VTI1A: variants seen among roughly 807,000 people sequenced by gnomAD.
VTI1A encodes vesicle transport through interaction with t-SNAREs 1A, also known as vesicle transport through interaction with t-SNAREs homolog 1A.
Under a neutral mutation model 34.9 loss-of-function variants are expected in VTI1A, and 22 were observed. The ratio of observed to expected loss-of-function variants is 0.63; its 90% confidence interval spans 0.45 to 0.90. VTI1A has a LOEUF of 0.90. Among genes scored for constraint, VTI1A ranks in the 40% least tolerant of loss-of-function variants. VTI1A has a pLI of 0.00. For missense variants in VTI1A, 268 were observed against 275.6 expected (o/e 0.97, Z 0.20); for synonymous variants, 87 against 97.3 (o/e 0.89, Z 0.62).
At chr10:112,685,668 TC>T (rs1187505147) in intron 7 of VTI1A, among the ~76,000 whole-genome samples, 5 of 147,316 alleles carry the variant, frequency 3.4e-5, no homozygotes, top group East Asian at 4.0e-4. Context: ...GTTGTTTTTT[TC>T]CCCCCTTGTT....
intron 7 of VTI1A, among the ~76,000 whole-genome samples, chr10:112,760,138 T>C (rs1851411920): frequency 6.6e-6 from 1 of 152,150 alleles, no homozygotes; most frequent in Admixed American, 6.5e-5. Flanking sequence ...TTGAACAATT[T>C]CAAACACAGT....
chr10:112,838,861 C>T, the VTI1A span, among the ~76,000 whole-genome samples: 1 of 152,224 alleles, frequency 6.6e-6, no homozygotes, highest in Non-Finnish European at 1.5e-5. Context: ...CTCCCTGAGC[C>T]TCACTTTGTC....
intron 5 of VTI1A, among the ~76,000 whole-genome samples, chr10:112,613,868 G>A (rs1390272769): frequency 6.6e-6 from 1 of 152,204 alleles, no homozygotes; most frequent in Non-Finnish European, 1.5e-5. Flanking sequence ...GTACATGCGA[G>A]TCTGTCATGC....
At chr10:112,581,937 T>C (rs949374280) in intron 5 of VTI1A, among the ~76,000 whole-genome samples, 1 of 152,238 alleles carries the variant, frequency 6.6e-6, no homozygotes, top group Admixed American at 6.5e-5. Flanking sequence ...AATAACATGT[T>C]TGATGTGCAA....
chr10:112,520,055 G>C (rs1350126843), intron 3 of VTI1A, among the ~76,000 whole-genome samples: 1 of 151,920 alleles, frequency 6.6e-6, no homozygotes, highest in Non-Finnish European at 1.5e-5. Context: ...TTTTCCAGTG[G>C]GGTGTATAGT....
chr10:112,504,044 C>A (rs1392480573), intron 3 of VTI1A, among the ~76,000 whole-genome samples: 1 of 152,092 alleles, frequency 6.6e-6, no homozygotes, highest in Non-Finnish European at 1.5e-5. Context: ...TAAACTCATG[C>A]CTGAAATTTC....
At chr10:112,560,230 G>C (rs1342080701) in intron 5 of VTI1A, among the ~76,000 whole-genome samples, 1 of 152,134 alleles carries the variant, frequency 6.6e-6, no homozygotes. Flanking sequence ...AATAGTGATA[G>C]GTCTTTAGAG....
intron 5 of VTI1A, among the ~76,000 whole-genome samples, chr10:112,569,086 C>T (rs910765217): frequency 6.6e-6 from 1 of 151,524 alleles, no homozygotes; most frequent in African/African-American, 2.4e-5. Flanking sequence ...ACCCAGGAGG[C>T]GGAGGTTGCA....
In VTI1A at chr10:112,633,855, T is replaced by TA. The variant is rs77279275; in HGVS notation, c.428-34349dup. Among the ~76,000 whole-genome samples, 455 of 125,550 alleles carry TA rather than the reference T, an allele frequency of 3.6e-3. 4 individuals carry two copies. The highest frequency in any genetic ancestry group is 0.011 in the African/African-American group (370 of 33,966). 82.4% of individuals were successfully genotyped at this position (125,550 alleles called of 152,430 possible). A position where few individuals can be genotyped will look rare whatever the true frequency, so the allele number is the denominator to read the frequency against. On this transcript the variant is annotated intron_variant, in intron 5 of 7. Transcript: ENST00000393077. ...TAGCATTATCAAGTTGGCTCTAGAC[T>TA]AAAAAAAAAAAAAAGTCATGACTCA...
At chr10:112,454,704 T>A (rs1456736271) in intron 1 of VTI1A, among the ~76,000 whole-genome samples, 1 of 118,904 alleles carries the variant, frequency 8.4e-6, no homozygotes, top group East Asian at 2.1e-4. Context: ...CTTATCAAGC[T>A]TATAGACCAA....
chr10:112,659,770 T>G (rs1847376896), intron 5 of VTI1A, among the ~76,000 whole-genome samples: 1 of 152,228 alleles, frequency 6.6e-6, no homozygotes, highest in South Asian at 2.1e-4. Context: ...TAGCTATATT[T>G]CTTTAAGAAT....
intron 7 of VTI1A, among the ~76,000 whole-genome samples, chr10:112,814,223 A>C (rs967419987): frequency 2.6e-5 from 4 of 152,162 alleles, no homozygotes; most frequent in African/African-American, 9.6e-5. Context: ...TCCCCATGGA[A>C]GACCCATGTC....
intron 7 of VTI1A, among the ~76,000 whole-genome samples, chr10:112,786,873 T>G (rs1852304569): frequency 6.6e-6 from 1 of 152,226 alleles, no homozygotes; most frequent in Non-Finnish European, 1.5e-5. Context: ...GAAGAATATT[T>G]CTTGTAATAT....
chr10:112,657,382 A>G (rs1201652324), intron 5 of VTI1A, among the ~76,000 whole-genome samples: 2 of 152,166 alleles, frequency 1.3e-5, no homozygotes, highest in Non-Finnish European at 2.9e-5. Context: ...TGCTCAGAAG[A>G]GTCAAGATAT....
chr10:112,678,294 C>G (rs537900599), intron 7 of VTI1A, among the ~76,000 whole-genome samples: 1 of 152,084 alleles, frequency 6.6e-6, no homozygotes, highest in Non-Finnish European at 1.5e-5. Flanking sequence ...TTACATTTTC[C>G]GTCAATGCCT....
intron 5 of VTI1A, among the ~76,000 whole-genome samples, chr10:112,639,401 A>T (rs1439452425): frequency 6.6e-6 from 1 of 152,218 alleles, no homozygotes; most frequent in African/African-American, 2.4e-5. Flanking sequence ...TAGTTATTCT[A>T]TAACAGTGAC....
intron 7 of VTI1A, among the ~76,000 whole-genome samples, chr10:112,671,652 A>G (rs543597612): frequency 1.3e-5 from 2 of 152,312 alleles, no homozygotes; most frequent in African/African-American, 4.8e-5. Context: ...TGTTGTGAAG[A>G]CAGGTGAAAC....
intron 5 of VTI1A, among the ~76,000 whole-genome samples, chr10:112,624,389 C>T (rs2134585634): frequency 6.6e-6 from 1 of 152,140 alleles, no homozygotes; most frequent in East Asian, 1.9e-4. Context: ...GCTAGTGGTT[C>T]CTATTACCTA....
At chr10:112,815,230 C>A in intron 7 of VTI1A, 60 bp from the exon 8 acceptor site, 1 of 1,391,906 alleles carries the variant, frequency 7.2e-7, no homozygotes. Flanking sequence ...CCTCGGACGG[C>A]GTTTGTGGGA....
Sources: gnomAD v4.1 joint callset for allele counts (sites outside exome capture counted in the v4.1 genomes callset) on GRCh38, gnomAD v4.1.1 for gene constraint, MANE v1.5 for transcripts, NCBI Gene and HGNC (gene_info 2026-07-23, HGNC 2026-07-21) for gene names.